Variants in PTPN3 observed in about 807,000 individuals in gnomAD.
PTPN3 encodes protein tyrosine phosphatase non-receptor type 3.
PTPN3 carries 96 observed loss-of-function variants against 132.7 expected under a neutral mutation model. The ratio of observed to expected loss-of-function variants is 0.72; its 90% CI spans 0.61 to 0.86. The LOEUF is 0.86. PTPN3 is among the 40% of genes least tolerant of loss of function. PTPN3 has a pLI of 0.00. For synonymous variants in PTPN3, 398 were observed against 429.0 expected, an observed-to-expected ratio of 0.93 and a Z score of 0.89; for missense variants, 1,125 against 1,159.6, an observed-to-expected ratio of 0.97 and a Z score of 0.43.
intron 1 of PTPN3, among the ~76,000 whole-genome samples, chr9:109,485,740 A>G (rs1256173907): frequency 6.6e-6 from 1 of 152,078 alleles, no homozygotes; most frequent in African/African-American, 2.4e-5. Flanking sequence ...GAGAAGACTG[A>G]GTACGGGAGA....
At chr9:109,463,029 A>C (rs1163910170) in intron 2 of PTPN3, among the ~76,000 whole-genome samples, 1 of 150,836 alleles carries the variant, frequency 6.6e-6, no homozygotes, top group Non-Finnish European at 1.5e-5. Context: ...TCTCCTTCAG[A>C]AAGTGGATGA....
chr9:109,467,665 G>T (rs927427072), intron 1 of PTPN3, among the ~76,000 whole-genome samples: 3 of 152,196 alleles, frequency 2.0e-5, no homozygotes, highest in Non-Finnish European at 4.4e-5. Flanking sequence ...TGAAACAGGT[G>T]CCTCCAAATG....
intron 7 of PTPN3, 92 bp downstream of exon 7, chr9:109,445,148 G>C: frequency 7.5e-7 from 1 of 1,324,828 alleles, no homozygotes; most frequent in East Asian, 2.3e-5. Context: ...CTGGGGAAGA[G>C]GGACTTGGTC....
upstream of PTPN3, among the ~76,000 whole-genome samples, chr9:109,499,700 T>C (rs908838237): frequency 3.3e-5 from 5 of 152,190 alleles, no homozygotes; most frequent in African/African-American, 1.2e-4. Flanking sequence ...AGGGATAGAC[T>C]GAGGCCTCGG....
In PTPN3 at chr9:109,375,808, C is replaced by T. The variant is rs1162067492; in HGVS notation, c.*3748G>A. 6.6e-6 allele frequency: 1 copy of T among 152,192 alleles called. No homozygotes were observed. Among genetic ancestry groups the T allele is most frequent in the Non-Finnish European group, 1.5e-5 (1 of 68,042 alleles). 9.4% of individuals were successfully genotyped at this position (152,192 alleles called of 1,614,324 possible). A position where few individuals can be genotyped will look rare whatever the true frequency, so the allele number is the denominator to read the frequency against. ...CAAATATACAGAAAAAAGATTACTG[C>T]TCAGTTAAGGTCCTTTTCCAAATAA... On this transcript the variant is annotated 3_prime_UTR_variant, in exon 26 of 26. Transcript: ENST00000374541.
At chr9:109,477,586 CCTGGA>C (rs776124491) in intron 1 of PTPN3, among the ~76,000 whole-genome samples, 5 of 152,238 alleles carry the variant, frequency 3.3e-5, no homozygotes, top group Non-Finnish European at 5.9e-5. Flanking sequence ...TTGCAAAAGG[CCTGGA>C]CTGGAGTGTG....
chr9:109,493,896 G>A (rs927786695), intron 1 of PTPN3, among the ~76,000 whole-genome samples: 4 of 152,208 alleles, frequency 2.6e-5, no homozygotes, highest in Admixed American at 1.3e-4. Flanking sequence ...GCAGCCTGGC[G>A]ACAGGGTTGC....
chr9:109,424,026 T>C (rs1188248794), intron 12 of PTPN3, among the ~76,000 whole-genome samples: 1 of 152,172 alleles, frequency 6.6e-6, no homozygotes, highest in Non-Finnish European at 1.5e-5. Flanking sequence ...GACTCTTTCC[T>C]CTGAGGCAGG....
chr9:109,428,788 G>T (rs1468491871), intron 10 of PTPN3, 104 bp from the exon 11 acceptor site: 2 of 1,469,556 alleles, frequency 1.4e-6, no homozygotes, highest in Admixed American at 2.4e-5. Flanking sequence ...CCTGATGAGT[G>T]GGGGCTCTTG....
At chr9:109,419,090 A>C (rs898019728) in intron 14 of PTPN3, among the ~76,000 whole-genome samples, 5 of 152,244 alleles carry the variant, frequency 3.3e-5, no homozygotes, top group African/African-American at 1.2e-4. Flanking sequence ...GCCCTGACAA[A>C]GGGGCAGCAG....
At chr9:109,490,677 T>C (rs1847420489) in intron 1 of PTPN3, among the ~76,000 whole-genome samples, 1 of 151,628 alleles carries the variant, frequency 6.6e-6, no homozygotes. Context: ...AGTCGGATGC[T>C]GCAGTGAGCT....
intron 1 of PTPN3, among the ~76,000 whole-genome samples, chr9:109,467,060 T>C (rs1251139797): frequency 2.6e-5 from 4 of 152,076 alleles, no homozygotes; most frequent in Admixed American, 6.5e-5. Context: ...AAGGAACTTA[T>C]TCAGTCGCTT....
chr9:109,511,677 T>C, the PTPN3 span: 1 of 152,670 alleles, frequency 6.6e-6, no homozygotes, highest in Admixed American at 6.5e-5. Context: ...TGTAGGAGAA[T>C]CAACCAGCCA....
chr9:109,404,952 C>T (rs181739851), intron 18 of PTPN3, among the ~76,000 whole-genome samples: 11 of 152,282 alleles, frequency 7.2e-5, no homozygotes, highest in Non-Finnish European at 1.3e-4. Flanking sequence ...TTCTTCTACC[C>T]ATCCCGACTC....
Position 109,434,271 on chromosome 9 carries a change from T to C in PTPN3, c.676-1110A>G, listed in dbSNP as rs980308735. Among the ~76,000 whole-genome samples the C allele has an allele frequency of 1.2e-3, 179 of 150,894 alleles. No homozygotes were observed. In the Middle Eastern group the frequency reaches 0.014, roughly 12 times the overall value. On this transcript the variant is annotated intron_variant, in intron 9 of 25. Coordinates refer to ENST00000374541, the MANE Select transcript of PTPN3 (RefSeq NM_002829.4). ...TGATCCTACAGCCTCAGTTCCCAAG[T>C]AGCTGGGACTACAGGCATGTGCCAC...
At chr9:109,485,385 G>A (rs1847160701) in intron 1 of PTPN3, among the ~76,000 whole-genome samples, 1 of 152,134 alleles carries the variant, frequency 6.6e-6, no homozygotes, top group Non-Finnish European at 1.5e-5. Flanking sequence ...GTGGGCGCCT[G>A]CAGTCCCAGC....
chr9:109,536,461 T>C, the PTPN3 span, among the ~76,000 whole-genome samples: 8 of 152,186 alleles, frequency 5.3e-5, no homozygotes, highest in African/African-American at 1.9e-4. Flanking sequence ...AATAATAGAG[T>C]ACATTCAAGA....
chr9:109,427,980 C>T (rs988827193), intron 11 of PTPN3, among the ~76,000 whole-genome samples: 1 of 152,210 alleles, frequency 6.6e-6, no homozygotes, highest in South Asian at 2.1e-4. Flanking sequence ...CTAAGTTCTA[C>T]ATCTCTGTAT....
At chr9:109,499,911 GCACC>G (rs1392735514), upstream of PTPN3, among the ~76,000 whole-genome samples, 1 of 152,192 alleles carries the variant, frequency 6.6e-6, no homozygotes, top group East Asian at 1.9e-4. Flanking sequence ...CGCCCGCTCA[GCACC>G]ACTCGGACGG....
Sources: gnomAD v4.1 joint callset for allele counts (sites outside exome capture counted in the v4.1 genomes callset) on GRCh38, gnomAD v4.1.1 for gene constraint, MANE v1.5 for transcripts, NCBI Gene and HGNC (gene_info 2026-07-23, HGNC 2026-07-21) for gene names.